The following SPATA6 variants were observed in gnomAD, a reference collection of about 807,000 sequenced individuals.
SPATA6 encodes spermatogenesis-associated protein 6.
Under a neutral mutation model 65.3 loss-of-function variants are expected in SPATA6, and 56 were observed. The observed-to-expected ratio is 0.86, with a 90% CI of 0.69 to 1.07. The LOEUF (loss-of-function observed/expected upper bound fraction) is 1.07, where lower values mean the gene tolerates loss of function less well. SPATA6 is among the 50% of genes least tolerant of loss of function. The pLI is 0.00. For missense variants in SPATA6, 590 were observed against 594.8 expected, an observed-to-expected ratio of 0.99 and a Z score of 0.08; for synonymous variants, 199 against 213.2, an observed-to-expected ratio of 0.93 and a Z score of 0.58.
chr1:48,442,292 A>C (rs1655566162), intron 3 of SPATA6, among the ~76,000 whole-genome samples: 1 of 152,220 alleles, frequency 6.6e-6, no homozygotes, highest in Non-Finnish European at 1.5e-5. Flanking sequence ...CGGATAGCAA[A>C]TATCCTTATC....
At chr1:48,340,420 G>T (rs1646182605) in intron 11 of SPATA6, among the ~76,000 whole-genome samples, 1 of 151,184 alleles carries the variant, frequency 6.6e-6, no homozygotes, top group African/African-American at 2.4e-5. Flanking sequence ...AATAGATGTA[G>T]AATTAAAATG....
rs1185535069 is a variant in SPATA6 at position 48,453,028 on chromosome 1, G to A, written c.155C>T (p.Pro52Leu). Residue 52 changes from proline (P) to leucine (L), a missense_variant, in exon 2 of 13, where the codon CCC (proline) becomes CTC (leucine). Physicochemically the swap from Pro to Leu is moderately conservative, Grantham distance 98. Coordinates refer to ENST00000371847, the MANE Select transcript of SPATA6 (RefSeq NM_019073.4). Reference sequence around the variant, plus strand: ...CACCATTCTGGCATTGAAGACCAGGGGAAAAGTGGCTGGGACACATTGTGT... The same window carrying A: ...CACCATTCTGGCATTGAAGACCAGGAGAAAAGTGGCTGGGACACATTGTGT... ...KKTQCVPATF[P>L]LVFNARMVFE... 1.2e-6 allele frequency: 2 copies of A among 1,613,736 alleles called. No homozygotes were observed. Among genetic ancestry groups the A allele is most frequent in the East Asian group, 4.5e-5 (2 of 44,816 alleles).
chr1:48,280,572 A>G, the SPATA6 span, among the ~76,000 whole-genome samples: 1 of 152,238 alleles, frequency 6.6e-6, no homozygotes, highest in African/African-American at 2.4e-5. Context: ...CAAATAAACT[A>G]GAAAATCTAG....
At chr1:48,276,811 A>C in the SPATA6 span, among the ~76,000 whole-genome samples, 1 of 152,178 alleles carries the variant, frequency 6.6e-6, no homozygotes, top group Admixed American at 6.5e-5. Context: ...TATTATGTTG[A>C]TTTGGGTGGA....
intron 12 of SPATA6, among the ~76,000 whole-genome samples, chr1:48,300,981 CA>C (rs1247610327): frequency 6.6e-6 from 1 of 151,906 alleles, no homozygotes; most frequent in East Asian, 1.9e-4. Context: ...AGATCTGAAA[CA>C]GGACAAAGAT....
chr1:48,447,657 A>G lies in SPATA6; in HGVS notation c.238+3895T>C, dbSNP rs1570609274. 3.3e-5 allele frequency among the ~76,000 whole-genome samples: 5 copies of G among 152,330 alleles called. No individual in the cohort carries two copies. The Middle Eastern group carries it at 0.014, about 415-fold the overall frequency. ...CCTCAAGATCATAGGATAGGCCACA[A>G]ACAAGTCTCAATAAATGTAAAAAAG... On this transcript the variant is annotated intron_variant, in intron 3 of 12. Coordinates refer to ENST00000371847, the MANE Select transcript of SPATA6 (RefSeq NM_019073.4).
chr1:48,371,312 T>TAG (rs1557629968), intron 9 of SPATA6, among the ~76,000 whole-genome samples: 3 of 150,696 alleles, frequency 2.0e-5, no homozygotes, highest in South Asian at 4.1e-4. Flanking sequence ...GATAGATAGA[T>TAG]AGATATTCAA....
intron 1 of SPATA6, among the ~76,000 whole-genome samples, chr1:48,468,978 G>C (rs1377397740): frequency 6.6e-6 from 1 of 152,070 alleles, no homozygotes; most frequent in Non-Finnish European, 1.5e-5. Context: ...TTATTTAAGA[G>C]ACAGGGTCTC....
intron 3 of SPATA6, among the ~76,000 whole-genome samples, chr1:48,445,331 T>A (rs986589105): frequency 4.6e-5 from 7 of 152,180 alleles, no homozygotes; most frequent in African/African-American, 1.7e-4. Flanking sequence ...TCTATTCCCC[T>A]CCTTTCCCCT....
chr1:48,314,850 A>C (rs1391708571), intron 11 of SPATA6, among the ~76,000 whole-genome samples: 3 of 152,188 alleles, frequency 2.0e-5, no homozygotes, highest in African/African-American at 7.2e-5. Context: ...TAAAAAAATG[A>C]TAAAGGGGAT....
At chr1:48,285,731 C>G in the SPATA6 span, among the ~76,000 whole-genome samples, 5 of 152,272 alleles carry the variant, frequency 3.3e-5, no homozygotes, top group African/African-American at 1.2e-4. Flanking sequence ...TGAGGCCCCG[C>G]CCCACCCAGC....
At chr1:48,264,855 T>A in the SPATA6 span, among the ~76,000 whole-genome samples, 54 of 152,230 alleles carry the variant, frequency 3.5e-4, no homozygotes, top group African/African-American at 1.3e-3. Flanking sequence ...TATAGTAGAA[T>A]AATTTATAAT....
chr1:48,280,376 A>C, the SPATA6 span, among the ~76,000 whole-genome samples: 1 of 152,228 alleles, frequency 6.6e-6, no homozygotes, highest in Non-Finnish European at 1.5e-5. Context: ...ACCCTTCAAA[A>C]AATTAGTGAA....
the SPATA6 span, among the ~76,000 whole-genome samples, chr1:48,272,339 C>A: frequency 6.6e-6 from 1 of 152,082 alleles, no homozygotes. Context: ...ATCAATATCA[C>A]CCCATTTCCT....
intron 4 of SPATA6, 87 bp downstream of exon 4, chr1:48,413,023 A>T (rs1225641341): frequency 2.5e-6 from 1 of 393,960 alleles, no homozygotes; most frequent in Non-Finnish European, 4.0e-6. Context: ...CTTATCAAAT[A>T]ATATAGTATA....
intron 1 of SPATA6, among the ~76,000 whole-genome samples, chr1:48,462,387 A>T (rs950884357): frequency 1.3e-5 from 2 of 152,326 alleles, no homozygotes; most frequent in Admixed American, 1.3e-4. Flanking sequence ...AAGAATTTTC[A>T]AGAACTACAG....
At position 48,314,076 on chromosome 1, in the gene SPATA6, C is replaced by T. The variant is rs149288997; in HGVS notation, c.1195-8198G>A. 5.2e-3 allele frequency among the ~76,000 whole-genome samples: 790 copies of T among 152,166 alleles called. 21 individuals are homozygous for T. The highest frequency in any genetic ancestry group is 0.05 in the South Asian group (240 of 4,800). ...GAGACCTACAAAGAGACTTAGACTC[C>T]CACACAATAATAATGGGAGACTTTG... is the stretch of plus-strand genomic sequence containing the variant. On this transcript the variant is annotated intron_variant, in intron 11 of 12. Coordinates refer to ENST00000371847, the MANE Select transcript of SPATA6 (RefSeq NM_019073.4).
intron 3 of SPATA6, among the ~76,000 whole-genome samples, chr1:48,418,803 G>A (rs191396936): frequency 6.2e-5 from 5 of 81,110 alleles, no homozygotes; most frequent in East Asian, 5.0e-4. Context: ...GAAGGAAGGA[G>A]GGAAGGAGGG....
In SPATA6 at chr1:48,305,808, T is replaced by C; in HGVS notation, c.1265A>G (p.Tyr422Cys). 2.5e-6 allele frequency: 4 copies of C among 1,612,036 alleles called. No individual in the cohort carries two copies. The highest frequency in any genetic ancestry group is 3.4e-6 in the Non-Finnish European group (4 of 1,178,684). The change falls in exon 12 of 13, where the codon TAT becomes TGT. Residue 422 changes from tyrosine to cysteine, a missense_variant. Coordinates refer to ENST00000371847, the MANE Select transcript of SPATA6 (RefSeq NM_019073.4). ...KRSLLCRDSA[Y>C]DSDPEYSSCQ... is the part of the protein sequence containing the mutation. ...ATACCTATACTCGGGGTCACTGTCATAGGCAGAGTCTCTACATAAAAGACT... is the reference window on the plus strand; with the variant it reads ...ATACCTATACTCGGGGTCACTGTCACAGGCAGAGTCTCTACATAAAAGACT...
Sources: gnomAD v4.1 joint callset for allele counts (sites outside exome capture counted in the v4.1 genomes callset) on GRCh38, gnomAD v4.1.1 for gene constraint, MANE v1.5 for transcripts, NCBI Gene and HGNC (gene_info 2026-07-23, HGNC 2026-07-21) for gene names.